The following CKS1B variants were observed in gnomAD, a reference collection of about 807,000 sequenced individuals.
CKS1B encodes the protein cyclin-dependent kinases regulatory subunit 1.
In CKS1B, 5 loss-of-function variants were observed where a neutral mutation model predicts 12.2. The ratio of observed to expected loss-of-function variants is 0.41; its 90% CI spans 0.21 to 0.86. The LOEUF (loss-of-function observed/expected upper bound fraction) is 0.86. CKS1B is among the 40% of genes least tolerant of loss of function. The pLI is 0.32. For missense variants in CKS1B, 53 were observed against 99.9 expected, an observed-to-expected ratio of 0.53 and a Z score of 2.00; for synonymous variants, 24 against 34.4, an observed-to-expected ratio of 0.70 and a Z score of 1.06.
Position 154,974,691 on chromosome 1 carries a change from G to T in CKS1B, c.-55G>T. 2 of 1,552,468 alleles carry T rather than the reference G, an allele frequency of 1.3e-6. No homozygotes were observed. The highest frequency in any genetic ancestry group is 1.2e-5 in the South Asian group (1 of 84,684). On this transcript the variant is annotated 5_prime_UTR_variant, in exon 1 of 3. Coordinates refer to ENST00000308987, the MANE Select transcript of CKS1B (RefSeq NM_001826.3). ...AAAGTGGGTGGGAGCGCGTGCTGTT[G>T]GGAGTTGCTTGGAGGTTGGCGGCGC...
chr1:154,978,317 A>G, intron 2 of CKS1B: 4 of 578,532 alleles, frequency 6.9e-6, no homozygotes, highest in Non-Finnish European at 3.0e-6. Flanking sequence ...CCTGTCACTG[A>G]AAAACCTCCT....
intron 1 of CKS1B, among the ~76,000 whole-genome samples, chr1:154,975,327 G>T (rs1217207779): frequency 2.0e-5 from 3 of 152,136 alleles, no homozygotes. Flanking sequence ...AATAAAACTG[G>T]CTAGGAGCAT....
chr1:154,975,113 A>T, intron 1 of CKS1B: 2 of 641,680 alleles, frequency 3.1e-6, no homozygotes, highest in Non-Finnish European at 2.8e-6. Context: ...GGGCAAACTT[A>T]ACTTGCCTTG....
intron 1 of CKS1B, chr1:154,975,173 A>G (rs1657127064): frequency 6.8e-6 from 4 of 589,314 alleles, no homozygotes; most frequent in Non-Finnish European, 1.2e-5. Flanking sequence ...AGAACGTAGC[A>G]AAAGCGGAGC....
At chr1:154,974,920 C>G (rs745401055) in intron 1 of CKS1B, 116 bp downstream of exon 1, 6 of 1,613,626 alleles carry the variant, frequency 3.7e-6, no homozygotes, top group East Asian at 2.2e-5. Flanking sequence ...GAGGTGCGAA[C>G]GGGCAATGGT....
Position 154,977,970 on chromosome 1 carries a change from C to G in CKS1B, c.60-17C>G. The G allele has an allele frequency of 6.2e-7, 1 of 1,609,930 alleles. No individual in the cohort carries two copies. The highest frequency in any genetic ancestry group is 8.5e-7 in the Non-Finnish European group (1 of 1,178,162). ...TGGTACTAACATAAATTCCCCACTTCCCCGTTTCTGTTACAGACATGTCAT... is the reference window on the plus strand; with the variant it reads ...TGGTACTAACATAAATTCCCCACTTGCCCGTTTCTGTTACAGACATGTCAT... On this transcript the variant is annotated splice_polypyrimidine_tract_variant and intron_variant, in intron 1 of 2. Transcript: ENST00000308987.
chr1:154,978,005 G>A lies in CKS1B; in HGVS notation c.78G>A (p.Lys26=), dbSNP rs1276370755. 6.2e-7 allele frequency: 1 copy of A among 1,613,590 alleles called. No homozygotes were observed. The highest frequency in any genetic ancestry group is 8.5e-7 in the Non-Finnish European group (1 of 1,179,874). ...GTTACAGACATGTCATGCTGCCCAAGGACATAGCCAAGCTGGTCCCTAAAA... is the reference window on the plus strand; with the variant it reads ...GTTACAGACATGTCATGCTGCCCAAAGACATAGCCAAGCTGGTCCCTAAAA... The part of the protein sequence containing the change: ...EFEYRHVMLP[K]DIAKLVPKTH... Residue 26 remains lysine (K), a synonymous_variant, in exon 2 of 3, where the codon AAG becomes AAA. Coordinates refer to ENST00000308987, the MANE Select transcript of CKS1B (RefSeq NM_001826.3).
intron 2 of CKS1B, 41 bp from the exon 3 acceptor site, chr1:154,978,684 A>T (rs370633499): frequency 1.1e-4 from 172 of 1,574,802 alleles, no homozygotes; most frequent in Middle Eastern, 5.0e-4. Context: ...TGTACATAGA[A>T]TGGTGTGAGC....
intron 1 of CKS1B, 59 bp from the exon 2 acceptor site, chr1:154,977,928 G>T: frequency 6.5e-7 from 1 of 1,543,452 alleles, no homozygotes; most frequent in East Asian, 2.4e-5. Flanking sequence ...ACAGGCATTT[G>T]TCTAAGAGAC....
In CKS1B at chr1:154,974,702, G is replaced by A. The variant is rs1456472921; in HGVS notation, c.-44G>A. 5 of 1,558,306 alleles carry A rather than the reference G, an allele frequency of 3.2e-6. No individual in the cohort carries two copies. Among genetic ancestry groups the A allele is most frequent in the African/African-American group, 2.7e-5 (2 of 73,550 alleles). On this transcript the variant is annotated 5_prime_UTR_variant, in exon 1 of 3. Coordinates refer to ENST00000308987, the MANE Select transcript of CKS1B (RefSeq NM_001826.3). The stretch of plus-strand genomic sequence containing the variant: ...GAGCGCGTGCTGTTGGGAGTTGCTT[G>A]GAGGTTGGCGGCGCGGGGCTGAAGG...
In CKS1B at chr1:154,977,990, T is replaced by C; in HGVS notation, c.63T>C (p.His21=). 6.2e-7 allele frequency: 1 copy of C among 1,613,240 alleles called. No individual in the cohort carries two copies. The highest frequency in any genetic ancestry group is 8.5e-7 in the Non-Finnish European group (1 of 1,179,706). Residue 21 remains histidine (H), a synonymous_variant, in exon 2 of 3, where the codon CAT becomes CAC. Coordinates refer to ENST00000308987, the MANE Select transcript of CKS1B (RefSeq NM_001826.3). ...CACTTCCCCGTTTCTGTTACAGACA[T>C]GTCATGCTGCCCAAGGACATAGCCA... is the stretch of plus-strand genomic sequence containing the variant. The part of the protein sequence containing the change: ...KYDDEEFEYR[H]VMLPKDIAKL...
At chr1:154,975,011 C>A in intron 1 of CKS1B, 1 of 1,424,020 alleles carries the variant, frequency 7.0e-7, no homozygotes. Context: ...TTTGGAGTCG[C>A]CTCTCAGTAG....
chr1:154,978,705 G>C lies in CKS1B; in HGVS notation c.188-20G>C. On this transcript the variant is annotated intron_variant, in intron 2 of 2. Coordinates refer to ENST00000308987, the MANE Select transcript of CKS1B (RefSeq NM_001826.3). ...TAGAATGGTGTGAGCTTGTCTCTTA[G>C]ATTTCCCTCACTCTTTCAGAACCTC... is the stretch of plus-strand genomic sequence containing the variant. 2 of 1,612,622 alleles carry C rather than the reference G, an allele frequency of 1.2e-6. No individual in the cohort carries two copies. The highest frequency in any genetic ancestry group is 1.1e-5 in the South Asian group (1 of 90,988).
At chr1:154,975,062 C>G (rs2102223610) in intron 1 of CKS1B, 1 of 841,498 alleles carries the variant, frequency 1.2e-6, no homozygotes, top group Middle Eastern at 3.4e-4. Flanking sequence ...ACTGACCACC[C>G]TCACCCATGA....
intron 1 of CKS1B, 121 bp from the exon 2 acceptor site, chr1:154,977,866 T>C (rs1325521587): frequency 2.9e-5 from 28 of 961,908 alleles, no homozygotes; most frequent in Non-Finnish European, 4.1e-5. Flanking sequence ...AATAAAATTA[T>C]ATAAACTCTG....
intron 1 of CKS1B, among the ~76,000 whole-genome samples, chr1:154,976,151 T>G (rs1333200464): frequency 6.6e-6 from 1 of 152,084 alleles, no homozygotes; most frequent in African/African-American, 2.4e-5. Context: ...GAGCCTGAGA[T>G]GAGACTCTAA....
At position 154,977,984 on chromosome 1, in the gene CKS1B, C is replaced by A; in HGVS notation, c.60-3C>A. On this transcript the variant is annotated splice_region_variant and splice_polypyrimidine_tract_variant and intron_variant, in intron 1 of 2. Coordinates refer to ENST00000308987, the MANE Select transcript of CKS1B (RefSeq NM_001826.3). ...ATTCCCCACTTCCCCGTTTCTGTTA[C>A]AGACATGTCATGCTGCCCAAGGACA... 6.2e-7 allele frequency: 1 copy of A among 1,612,528 alleles called. No homozygotes were observed. Among genetic ancestry groups the A allele is most frequent in the Non-Finnish European group, 8.5e-7 (1 of 1,179,368 alleles).
At chr1:154,977,626 G>A (rs555009211) in intron 1 of CKS1B, 7 of 184,276 alleles carry the variant, frequency 3.8e-5, no homozygotes, top group South Asian at 2.4e-4. Context: ...GCCTTTCCTC[G>A]CCACAAAATA....
In CKS1B at chr1:154,978,093, C is replaced by T; in HGVS notation, c.166C>T (p.His56Tyr). ...LGVQQSQGWV[H>Y]YMIHEPEPHI... Reference sequence around the variant, plus strand: ...CGTTCAGCAGAGTCAGGGATGGGTCCATTATATGATCCATGAACCAGGTCA... The same window carrying T: ...CGTTCAGCAGAGTCAGGGATGGGTCTATTATATGATCCATGAACCAGGTCA... Residue 56 changes from histidine (H) to tyrosine (Y), a missense_variant, in exon 2 of 3, where the codon CAT becomes TAT. Physicochemically the swap from His to Tyr is moderately conservative, Grantham distance 83. Coordinates refer to ENST00000308987, the MANE Select transcript of CKS1B (RefSeq NM_001826.3). 1 of 1,614,056 alleles carries T rather than the reference C, an allele frequency of 6.2e-7. No homozygotes were observed. The highest frequency in any genetic ancestry group is 8.5e-7 in the Non-Finnish European group (1 of 1,179,994).
Sources: allele counts gnomAD v4.1 joint callset (sites outside exome capture counted in the v4.1 genomes callset), GRCh38; gene constraint gnomAD v4.1.1; transcripts MANE v1.5; gene names NCBI Gene and HGNC (gene_info 2026-07-23, HGNC 2026-07-21).